Variants in CBR4 observed in about 807,000 individuals in gnomAD.
CBR4 encodes the protein 3-oxoacyl-[acyl-carrier-protein] reductase.
In CBR4, 22 loss-of-function variants were observed where a neutral mutation model predicts 21.0. That is an observed-to-expected ratio of 1.05 (90% CI 0.75 to 1.50). CBR4 has a LOEUF of 1.50. Ranked by LOEUF, CBR4 falls within the 40% of genes most tolerant of loss-of-function variation. The probability of loss-of-function intolerance (pLI) is 0.00; values close to 1 mark genes in which losing one functional copy is unlikely to be tolerated. For missense variants in CBR4, 302 were observed against 286.3 expected (o/e 1.05, Z -0.40); for synonymous variants, 100 against 104.4 (o/e 0.96, Z 0.26).
intron 2 of CBR4, among the ~76,000 whole-genome samples, chr4:168,905,443 C>T (rs1054096706): frequency 3.0e-4 from 45 of 151,810 alleles, no homozygotes; most frequent in South Asian, 1.2e-3. Flanking sequence ...GCACTGCACC[C>T]GGCCTGAGAC....
At chr4:168,955,674 T>C (rs1025615500) in intron 2 of CBR4, among the ~76,000 whole-genome samples, 11 of 152,150 alleles carry the variant, frequency 7.2e-5, no homozygotes, top group African/African-American at 2.4e-4. Context: ...TCCCCATCCC[T>C]AGCCCCAACC....
rs566543059 is a variant in CBR4 at position 168,921,599 on chromosome 4, T to C, written n.170-26834A>G. The C allele has an allele frequency of 6.2e-7, 1 of 1,609,742 alleles. No individual in the cohort carries two copies. The highest frequency in any genetic ancestry group is 1.4e-5 in the African/African-American group (1 of 73,396). ...ATGGAAAGCCCGTACGCCCTGACAGTGCTCACAAGATGCTGGTGCGTGAGA... is the reference window on the plus strand; with the variant it reads ...ATGGAAAGCCCGTACGCCCTGACAGCGCTCACAAGATGCTGGTGCGTGAGA... On this transcript the variant is annotated intron_variant and non_coding_transcript_variant, in intron 2 of 3. Transcript: ENST00000509108.
In CBR4 at chr4:168,956,597, CAAAAAAAAAA is replaced by C. The variant is rs59962690; in HGVS notation, n.169+45464_169+45473del. ...TGGGCGACACAGCCAGACCCTGTCT[CAAAAAAAAAA>C]AAAAAAAAAAAAAAAAAAAACAGAA... On this transcript the variant is annotated intron_variant and non_coding_transcript_variant, in intron 2 of 3. Coordinates refer to the CBR4 transcript ENST00000509108. 6.1e-3 allele frequency among the ~76,000 whole-genome samples: 182 copies of C among 29,720 alleles called. 1 individual carries two copies. The highest frequency in any genetic ancestry group is 0.016 in the African/African-American group (140 of 8,942). 19.5% of individuals were successfully genotyped at this position (29,720 alleles called of 152,430 possible).
At position 168,989,153 on chromosome 4, in the gene CBR4, T is replaced by G. The variant is rs1217516927; in HGVS notation, c.*997A>C. The stretch of plus-strand genomic sequence containing the variant: ...TTTTTTATGCTTATTCATACAGAAT[T>G]TATTACTTTCTAGAATTTTGGGATA... On this transcript the variant is annotated 3_prime_UTR_variant, in exon 5 of 5. Coordinates refer to ENST00000306193, the MANE Select transcript of CBR4 (RefSeq NM_032783.5). The G allele has an allele frequency of 2.1e-6, 2 of 967,164 alleles. No individual in the cohort carries two copies. Among genetic ancestry groups the G allele is most frequent in the Non-Finnish European group, 2.5e-6 (2 of 813,242 alleles). The allele number at this position is 967,164 out of a possible 1,614,324, so 59.9% of individuals were successfully genotyped here. A position where few individuals can be genotyped will look rare whatever the true frequency, so the allele number is the denominator to read the frequency against.
Position 168,988,978 on chromosome 4 carries a change from A to G in CBR4, c.*1172T>C. On this transcript the variant is annotated 3_prime_UTR_variant, in exon 5 of 5. Transcript: ENST00000306193. Reference sequence around the variant, plus strand: ...AAAATATCATACTATTCCCGATAAAAAGAGTTTAATGCAAAATAATTATTA... The same window carrying G: ...AAAATATCATACTATTCCCGATAAAGAGAGTTTAATGCAAAATAATTATTA... The G allele has an allele frequency of 1.0e-6, 1 of 983,788 alleles. No homozygotes were observed. The highest frequency in any genetic ancestry group is 1.2e-6 in the Non-Finnish European group (1 of 828,454). The allele number at this position is 983,788 out of a possible 1,614,324, so 60.9% of individuals were successfully genotyped here.
At chr4:168,944,170 T>A (rs1340471009) in intron 2 of CBR4, among the ~76,000 whole-genome samples, 3 of 152,028 alleles carry the variant, frequency 2.0e-5, no homozygotes, top group Non-Finnish European at 4.4e-5. Context: ...TTTACCTGAG[T>A]GTAGTGGTTC....
At chr4:168,972,516 C>A (rs897022239) in intron 2 of CBR4, among the ~76,000 whole-genome samples, 1 of 152,100 alleles carries the variant, frequency 6.6e-6, no homozygotes, top group African/African-American at 2.4e-5. Flanking sequence ...AGGTATATTC[C>A]TAAATATTTT....
intron 2 of CBR4, among the ~76,000 whole-genome samples, chr4:168,901,236 T>C (rs547928775): frequency 5.9e-5 from 9 of 152,240 alleles, no homozygotes; most frequent in Non-Finnish European, 8.8e-5. Context: ...AATATTCATG[T>C]TTAAAGAAAT....
At chr4:169,009,635 C>G (rs1731221674) in intron 1 of CBR4, among the ~76,000 whole-genome samples, 1 of 152,252 alleles carries the variant, frequency 6.6e-6, no homozygotes, top group Non-Finnish European at 1.5e-5. Flanking sequence ...AGGGAAGCTC[C>G]TCAGCGTTAG....
At position 168,965,046 on chromosome 4, in the gene CBR4, A is replaced by T. The variant is rs6832520; in HGVS notation, n.169+37025T>A. On this transcript the variant is annotated intron_variant and non_coding_transcript_variant, in intron 2 of 3. Transcript: ENST00000509108. The stretch of plus-strand genomic sequence containing the variant: ...CCCCCAATCTCCTTAAGCTGACTTC[A>T]GCAACTTCAGCAAAGTCTCAGGATA... Among the ~76,000 whole-genome samples, 922 of 152,310 alleles carry T rather than the reference A, an allele frequency of 6.1e-3. 7 individuals carry two copies. Among genetic ancestry groups the T allele is most frequent in the African/African-American group, 0.021 (874 of 41,560 alleles).
chr4:168,965,830 C>T (rs1412126540), intron 2 of CBR4, among the ~76,000 whole-genome samples: 1 of 152,110 alleles, frequency 6.6e-6, no homozygotes, highest in Admixed American at 6.5e-5. Context: ...CCATTCAGGA[C>T]ATAGACATGG....
chr4:168,968,164 C>G (rs192053188), intron 2 of CBR4, among the ~76,000 whole-genome samples: 1 of 152,102 alleles, frequency 6.6e-6, no homozygotes, highest in African/African-American at 2.4e-5. Flanking sequence ...AGCATAAAAC[C>G]AAACTGCCCT....
downstream of CBR4, among the ~76,000 whole-genome samples, chr4:168,985,212 C>A (rs1434987704): frequency 6.6e-6 from 1 of 151,998 alleles, no homozygotes; most frequent in African/African-American, 2.4e-5. Flanking sequence ...AAAATGACAA[C>A]ATTAAAAAAT....
At chr4:168,957,407 G>A (rs925580469) in intron 2 of CBR4, among the ~76,000 whole-genome samples, 1 of 151,624 alleles carries the variant, frequency 6.6e-6, no homozygotes, top group African/African-American at 2.4e-5. Flanking sequence ...CCAATGCTGT[G>A]TGCCCCAGGT....
chr4:169,006,339 T>TAAAAAA (rs79662740), intron 3 of CBR4, among the ~76,000 whole-genome samples: 2 of 146,410 alleles, frequency 1.4e-5, no homozygotes, highest in Non-Finnish European at 3.0e-5. Context: ...CGTCTCTATT[T>TAAAAAA]AAAAAAAAAA....
intron 4 of CBR4, chr4:169,001,353 C>T (rs11894): frequency 0.66 from 100,505 of 151,914 alleles, 35,677 homozygotes; most frequent in East Asian, 0.96. Context: ...AGCTGTGTAA[C>T]CTTAGGCAAG....
chr4:168,999,225 T>C (rs574109347), intron 4 of CBR4, among the ~76,000 whole-genome samples: 1 of 152,250 alleles, frequency 6.6e-6, no homozygotes, highest in South Asian at 2.1e-4. Flanking sequence ...TATAATTTGC[T>C]TTTAAACTGT....
intron 4 of CBR4, among the ~76,000 whole-genome samples, chr4:168,993,273 C>G (rs762632241): frequency 6.7e-6 from 1 of 149,234 alleles, no homozygotes; most frequent in Non-Finnish European, 1.5e-5. Context: ...TGCAGTGGTG[C>G]GATCTAGGCT....
Position 168,921,501 on chromosome 4 carries a change from C to T in CBR4, n.170-26736G>A. 12 of 1,400,052 alleles carry T rather than the reference C, an allele frequency of 8.6e-6. No homozygotes were observed. In the East Asian group the frequency reaches 8.7e-5, roughly 10 times the overall value. 86.7% of individuals were successfully genotyped at this position (1,400,052 alleles called of 1,614,324 possible). ...CCAGTGATTTCACTCTGTTTTAATA[C>T]AAAAATTTACATGTATTTCTTTTAT... is the stretch of plus-strand genomic sequence containing the variant. On this transcript the variant is annotated intron_variant and non_coding_transcript_variant, in intron 2 of 3. Coordinates refer to the CBR4 transcript ENST00000509108.
Sources: allele counts gnomAD v4.1 joint callset (sites outside exome capture counted in the v4.1 genomes callset), GRCh38; gene constraint gnomAD v4.1.1; transcripts MANE v1.5; gene names NCBI Gene and HGNC (gene_info 2026-07-23, HGNC 2026-07-21).